DOCK3: variants seen among roughly 807,000 people sequenced by gnomAD.
The protein encoded by DOCK3 is dedicator of cytokinesis 3.
Under a neutral mutation model 265.6 loss-of-function variants are expected in DOCK3, and 60 were observed. That is an observed-to-expected ratio of 0.23 (90% confidence interval 0.18 to 0.28). The LOEUF is 0.28. DOCK3 is among the 10% of genes least tolerant of loss of function. The probability of loss-of-function intolerance (pLI) is 1.00; values close to 1 mark genes in which losing one functional copy is unlikely to be tolerated. For synonymous variants in DOCK3, 881 were observed against 938.0 expected, an observed-to-expected ratio of 0.94 and a Z score of 1.11; for missense variants, 1,981 against 2,594.3, an observed-to-expected ratio of 0.76 and a Z score of 5.14.
At chr3:51,312,737 G>A (rs1215603962) in intron 30 of DOCK3, 107 bp from the exon 31 acceptor site, 1 of 1,324,358 alleles carries the variant, frequency 7.6e-7, no homozygotes, top group Admixed American at 2.2e-5. Context: ...AGCGCATTGG[G>A]AAGCATTAGA....
intron 38 of DOCK3, among the ~76,000 whole-genome samples, chr3:51,348,407 CA>C (rs2085741212): frequency 6.6e-6 from 1 of 152,208 alleles, no homozygotes; most frequent in Non-Finnish European, 1.5e-5. Flanking sequence ...ATTATCTCAT[CA>C]AATAAATCTT....
intron 36 of DOCK3, 43 bp from the exon 37 acceptor site, chr3:51,338,892 C>A (rs989714208): frequency 6.6e-7 from 1 of 1,525,942 alleles, no homozygotes; most frequent in African/African-American, 1.4e-5. Context: ...TTGGCTATGG[C>A]TTCCACAGGT....
At chr3:51,235,281 C>G (rs752005093) in intron 19 of DOCK3, among the ~76,000 whole-genome samples, 2 of 152,138 alleles carry the variant, frequency 1.3e-5, no homozygotes, top group Non-Finnish European at 2.9e-5. Context: ...CTCATATTTT[C>G]CTTCTAAGAA....
intron 1 of DOCK3, among the ~76,000 whole-genome samples, chr3:50,677,608 C>G (rs2034073851): frequency 6.6e-6 from 1 of 152,160 alleles, no homozygotes; most frequent in African/African-American, 2.4e-5. Context: ...AGGGAAACCC[C>G]TTACACTTAC....
chr3:50,982,305 G>A (rs2077723023), intron 5 of DOCK3, among the ~76,000 whole-genome samples: 1 of 152,130 alleles, frequency 6.6e-6, no homozygotes, highest in African/African-American at 2.4e-5. Context: ...TTTGTTAATT[G>A]TTTGCTGGTT....
intron 6 of DOCK3, among the ~76,000 whole-genome samples, chr3:51,069,786 T>G (rs1374495592): frequency 6.6e-6 from 1 of 152,202 alleles, no homozygotes; most frequent in African/African-American, 2.4e-5. Flanking sequence ...TAGTTTAGTT[T>G]GTTATATGCA....
chr3:51,053,102 T>TATATATAG (rs2081064099), intron 5 of DOCK3, among the ~76,000 whole-genome samples: 1 of 96,402 alleles, frequency 1.0e-5, no homozygotes, highest in African/African-American at 3.5e-5. Flanking sequence ...TATATATATA[T>TATATATAG]ATATATATAT....
At chr3:51,010,001 A>G (rs547245903) in intron 5 of DOCK3, among the ~76,000 whole-genome samples, 52 of 152,212 alleles carry the variant, frequency 3.4e-4, no homozygotes, top group East Asian at 2.7e-3. Flanking sequence ...TATAATTTCT[A>G]TTCTTTTACA....
At chr3:51,171,089 C>CT (rs1447644999) in intron 12 of DOCK3, among the ~76,000 whole-genome samples, 1 of 151,584 alleles carries the variant, frequency 6.6e-6, no homozygotes, top group Non-Finnish European at 1.5e-5. Flanking sequence ...CTTTTGTTAA[C>CT]TTTGAGCTTA....
chr3:51,286,549 A>G (rs1305777270), intron 27 of DOCK3, among the ~76,000 whole-genome samples: 1 of 152,210 alleles, frequency 6.6e-6, no homozygotes, highest in Admixed American at 6.5e-5. Flanking sequence ...GAGGCATGAC[A>G]TTACCTGACT....
chr3:50,931,439 A>G (rs1404979160), intron 4 of DOCK3, among the ~76,000 whole-genome samples: 1 of 152,204 alleles, frequency 6.6e-6, no homozygotes, highest in Admixed American at 6.5e-5. Context: ...GTTTCTATAC[A>G]TCTCCTAATT....
intron 5 of DOCK3, among the ~76,000 whole-genome samples, chr3:50,984,983 T>G (rs2077842065): frequency 6.6e-6 from 1 of 152,190 alleles, no homozygotes; most frequent in Non-Finnish European, 1.5e-5. Context: ...TGGGTTTTGG[T>G]ATTCAAGGGG....
chr3:51,275,036 T>G (rs1267127985), intron 24 of DOCK3, 43 bp from the exon 25 acceptor site: 2 of 1,613,302 alleles, frequency 1.2e-6, no homozygotes, highest in East Asian at 4.5e-5. Flanking sequence ...CAGTAGCTAG[T>G]TCTCCTCTAA....
intron 5 of DOCK3, among the ~76,000 whole-genome samples, chr3:51,007,374 G>C (rs1242580313): frequency 1.3e-5 from 2 of 152,212 alleles, no homozygotes; most frequent in East Asian, 3.8e-4. Flanking sequence ...CTGATGGCCA[G>C]TGATGATGAG....
intron 7 of DOCK3, among the ~76,000 whole-genome samples, chr3:51,075,949 A>T (rs1465479931): frequency 6.6e-6 from 1 of 152,212 alleles, no homozygotes; most frequent in African/African-American, 2.4e-5. Context: ...GAAGGGTACA[A>T]TATTTTAAAG....
Position 50,675,358 on chromosome 3 carries a change from G to A in DOCK3, c.37+58G>A. ...GTTCTGGGGGACGCGCCCAGCTCCC[G>A]GCCCCGCCTGGATTCGCATCCTCGT... On this transcript the variant is annotated intron_variant, in intron 1 of 52. Transcript: ENST00000266037. The surrounding 1 kb of genome is among the most constrained non-coding windows in gnomAD (Gnocchi z 6.1). 1 of 1,178,016 alleles carries A rather than the reference G, an allele frequency of 8.5e-7. No homozygotes were observed. The highest frequency in any genetic ancestry group is 1.1e-6 in the Non-Finnish European group (1 of 943,146). 73.0% of individuals were successfully genotyped at this position (1,178,016 alleles called of 1,614,324 possible).
At chr3:51,335,995 A>AC (rs897650863) in intron 35 of DOCK3, among the ~76,000 whole-genome samples, 6 of 151,322 alleles carry the variant, frequency 4.0e-5, no homozygotes, top group African/African-American at 1.2e-4. Flanking sequence ...CTGTCTCAAA[A>AC]AAAAAAAAAA....
intron 22 of DOCK3, among the ~76,000 whole-genome samples, chr3:51,247,166 T>C (rs1263890638): frequency 6.6e-6 from 1 of 152,238 alleles, no homozygotes; most frequent in Non-Finnish European, 1.5e-5. Context: ...TCTAATAGTA[T>C]TCTCTTTTTT....
At chr3:50,978,296 TGATGGTGATGTACA>T in intron 5 of DOCK3, among the ~76,000 whole-genome samples, 1 of 151,410 alleles carries the variant, frequency 6.6e-6, no homozygotes, top group East Asian at 2.0e-4. Context: ...TGGTCTTTGA[TGATGGTGATGTACA>T]GATGGGTTTT....
Sources: gnomAD v4.1 joint callset for allele counts (sites outside exome capture counted in the v4.1 genomes callset) on GRCh38, gnomAD v4.1.1 for gene constraint, Gnocchi (gnomAD v3.1) non-coding constraint, MANE v1.5 for transcripts, NCBI Gene and HGNC (gene_info 2026-07-23, HGNC 2026-07-21) for gene names.